Variants in RYR2 observed in about 807,000 individuals in gnomAD.
RYR2 encodes ryanodine receptor 2.
Under a neutral mutation model 601.1 loss-of-function variants are expected in RYR2, and 227 were observed. The ratio of observed to expected loss-of-function variants is 0.38; its 90% CI spans 0.34 to 0.42. The LOEUF (loss-of-function observed/expected upper bound fraction) is 0.42. Among genes scored for constraint, RYR2 ranks in the 10% least tolerant of loss-of-function variants. RYR2 has a pLI of 1.00. For missense variants in RYR2, 4,646 were observed against 6,156.5 expected, an observed-to-expected ratio of 0.75 and a Z score of 8.21; for synonymous variants, 2,223 against 2,175.1, an observed-to-expected ratio of 1.02 and a Z score of -0.61.
At chr1:237,720,590 A>G (rs950297432) in intron 73 of RYR2, among the ~76,000 whole-genome samples, 4 of 152,222 alleles carry the variant, frequency 2.6e-5, no homozygotes, top group African/African-American at 9.6e-5. Context: ...TACACTACAA[A>G]CATTTTTCCC....
intron 100 of RYR2, among the ~76,000 whole-genome samples, chr1:237,812,857 G>A (rs1041235141): frequency 4.0e-5 from 6 of 149,922 alleles, no homozygotes; most frequent in African/African-American, 1.5e-4. Context: ...TCCTTTTGCT[G>A]CTTTTCTCGC....
chr1:237,510,942 G>A (rs1043106646), intron 23 of RYR2, among the ~76,000 whole-genome samples: 1 of 152,190 alleles, frequency 6.6e-6, no homozygotes, highest in Non-Finnish European at 1.5e-5. Context: ...GTAGTAGGGT[G>A]ATTTGTGAGA....
intron 3 of RYR2, among the ~76,000 whole-genome samples, chr1:237,354,110 G>A (rs1699092059): frequency 6.6e-6 from 1 of 152,154 alleles, no homozygotes; most frequent in South Asian, 2.1e-4. Flanking sequence ...CTTGTCTTGT[G>A]TGTCTAGCTG....
intron 19 of RYR2, among the ~76,000 whole-genome samples, chr1:237,495,084 C>T (rs1396360201): frequency 6.6e-6 from 1 of 152,156 alleles, no homozygotes; most frequent in Non-Finnish European, 1.5e-5. Flanking sequence ...CCACTGCACC[C>T]AGCTAATGTG....
At position 237,797,874 on chromosome 1, in the gene RYR2, C is replaced by T. The variant is rs147110386; in HGVS notation, c.13957-163C>T. On this transcript the variant is annotated intron_variant, in intron 96 of 104. Coordinates refer to ENST00000366574, the MANE Select transcript of RYR2 (RefSeq NM_001035.3). ...TAAGATGCTGTGAATTTGTTTAGAC[C>T]TTAAGCAGTGTGATCACAGAAGGTG... Among the ~76,000 whole-genome samples, 446 of 152,174 alleles carry T rather than the reference C, an allele frequency of 2.9e-3. 7 individuals are homozygous for T. Among genetic ancestry groups the T allele is most frequent in the African/African-American group, 0.01 (417 of 41,514 alleles).
At chr1:237,098,149 T>G (rs1340420854) in intron 1 of RYR2, among the ~76,000 whole-genome samples, 1 of 152,158 alleles carries the variant, frequency 6.6e-6, no homozygotes, top group Non-Finnish European at 1.5e-5. Context: ...GAAGAGAATT[T>G]GGAAAGCCAC....
chr1:237,553,577 G>A (rs1443206903), intron 27 of RYR2, among the ~76,000 whole-genome samples: 1 of 151,864 alleles, frequency 6.6e-6, no homozygotes, highest in Non-Finnish European at 1.5e-5. Flanking sequence ...GATTCAACTT[G>A]TTAATTTGAT....
chr1:237,595,372 T>A (rs1675779646), intron 33 of RYR2, 126 bp from the exon 34 acceptor site: 1 of 1,084,078 alleles, frequency 9.2e-7, no homozygotes, highest in Admixed American at 2.8e-5. Context: ...GGGCCTATTG[T>A]GCACCTCTCC....
chr1:237,460,192 G>GGAAAAGT (rs2150247943), intron 16 of RYR2, among the ~76,000 whole-genome samples: 1 of 152,280 alleles, frequency 6.6e-6, no homozygotes, highest in East Asian at 1.9e-4. Context: ...TTCTGACATG[G>GGAAAAGT]GAAAAGTGAA....
intron 10 of RYR2, among the ~76,000 whole-genome samples, chr1:237,391,983 C>T (rs141575081): frequency 6.8e-4 from 104 of 151,882 alleles, no homozygotes; most frequent in African/African-American, 2.0e-3. Flanking sequence ...GATTTTTTTC[C>T]GAAAGACAAA....
intron 30 of RYR2, 144 bp downstream of exon 30, chr1:237,590,145 A>C: frequency 1.3e-6 from 1 of 760,654 alleles, no homozygotes; most frequent in Non-Finnish European, 2.0e-6. Context: ...AATCTAAGCA[A>C]AGATGGTACT....
intron 1 of RYR2, among the ~76,000 whole-genome samples, chr1:237,045,432 C>G (rs1233325217): frequency 3.3e-5 from 5 of 151,396 alleles, no homozygotes; most frequent in Admixed American, 1.3e-4. Context: ...TGCTGCTTGT[C>G]GAGTTGGCTC....
intron 38 of RYR2, among the ~76,000 whole-genome samples, chr1:237,621,839 A>G (rs1443837071): frequency 6.6e-6 from 1 of 152,206 alleles, no homozygotes; most frequent in Non-Finnish European, 1.5e-5. Flanking sequence ...ACAAAACCAT[A>G]GAGATGGAAA....
chr1:237,135,963 C>T (rs1672732487), intron 1 of RYR2, among the ~76,000 whole-genome samples: 1 of 152,166 alleles, frequency 6.6e-6, no homozygotes, highest in Admixed American at 6.5e-5. Context: ...GTGGCCCTGG[C>T]CTGAGCAGGG....
chr1:237,331,804 G>A (rs551252161), intron 3 of RYR2, among the ~76,000 whole-genome samples: 79 of 151,920 alleles, frequency 5.2e-4, no homozygotes, highest in South Asian at 1.5e-3. Context: ...GTGAGCCACC[G>A]CGCCCAGCCC....
intron 71 of RYR2, among the ~76,000 whole-genome samples, chr1:237,713,657 A>G (rs1204366280): frequency 6.6e-6 from 1 of 152,140 alleles, no homozygotes; most frequent in African/African-American, 2.4e-5. Context: ...TCGGCCTCCC[A>G]AAGTACCTGG....
chr1:237,379,847 G>A (rs183946108), intron 8 of RYR2, among the ~76,000 whole-genome samples: 317 of 152,204 alleles, frequency 2.1e-3, no homozygotes, highest in Middle Eastern at 0.01. Context: ...AGCTATAAGA[G>A]AGCAGCCAAC....
chr1:237,307,346 G>T (rs546131224), intron 2 of RYR2, among the ~76,000 whole-genome samples: 2 of 152,260 alleles, frequency 1.3e-5, no homozygotes, highest in African/African-American at 4.8e-5. Flanking sequence ...ATGACAAATT[G>T]TGCTTAGCAT....
intron 88 of RYR2, among the ~76,000 whole-genome samples, chr1:237,780,620 A>C (rs1009995585): frequency 1.3e-5 from 2 of 152,204 alleles, no homozygotes; most frequent in Non-Finnish European, 2.9e-5. Flanking sequence ...TTTAGACACA[A>C]TATGTCTTTG....
Sources: allele counts gnomAD v4.1 joint callset (sites outside exome capture counted in the v4.1 genomes callset), GRCh38; gene constraint gnomAD v4.1.1; transcripts MANE v1.5; gene names NCBI Gene and HGNC (gene_info 2026-07-23, HGNC 2026-07-21).